Variants in EPAS1 observed in about 807,000 individuals in gnomAD.
The protein encoded by EPAS1 is endothelial PAS domain-containing protein 1.
In EPAS1, 23 loss-of-function variants were observed where a neutral mutation model predicts 87.9. That is an observed-to-expected ratio of 0.26 (90% CI 0.19 to 0.37). The LOEUF (loss-of-function observed/expected upper bound fraction) is 0.37. Ranked by LOEUF, EPAS1 falls within the 10% of genes least tolerant of loss-of-function variation. The pLI is 1.00. For synonymous variants in EPAS1, 508 were observed against 444.3 expected, an observed-to-expected ratio of 1.14 and a Z score of -1.80; for missense variants, 1,138 against 1,120.7, an observed-to-expected ratio of 1.02 and a Z score of -0.22.
chr2:46,297,711 C>A lies in EPAS1; in HGVS notation c.-201C>A. On this transcript the variant is annotated 5_prime_UTR_variant, in exon 1 of 16. Transcript: ENST00000263734. ...CCTCCGCGCGCAGGTTCCTCCCAGT[C>A]ACCTTTCTCCACCCCCGCCCCCGCA... 1.6e-6 allele frequency: 1 copy of A among 608,110 alleles called. No homozygotes were observed. The highest frequency in any genetic ancestry group is 2.8e-6 in the Non-Finnish European group (1 of 351,272). The allele number at this position is 608,110 out of a possible 1,614,324, so 37.7% of individuals were successfully genotyped here. A position where few individuals can be genotyped will look rare whatever the true frequency, so the allele number is the denominator to read the frequency against.
intron 2 of EPAS1, among the ~76,000 whole-genome samples, chr2:46,349,659 A>G (rs1164458211): frequency 1.3e-5 from 2 of 152,196 alleles, no homozygotes; most frequent in African/African-American, 4.8e-5. Context: ...CTTGAAGGAG[A>G]AATTCTCACC....
intron 1 of EPAS1, 115 bp downstream of exon 1, chr2:46,298,052 G>C: frequency 7.4e-7 from 1 of 1,348,900 alleles, no homozygotes; most frequent in Non-Finnish European, 1.0e-6. Flanking sequence ...TTCGGAGCTC[G>C]AGGCTCGGTT....
chr2:46,375,936 C>G lies in EPAS1; in HGVS notation c.1034+99C>G, dbSNP rs1572646200. 7 of 1,537,486 alleles carry G rather than the reference C, an allele frequency of 4.6e-6. No homozygotes were observed. The East Asian group carries it at 9.0e-5, about 20-fold the overall frequency. On this transcript the variant is annotated intron_variant, in intron 8 of 15. Transcript: ENST00000263734. The surrounding 1 kb of genome is among the most constrained non-coding windows in gnomAD (Gnocchi z 4.1). ...CAGGCCTAGGAGATGCCAGGCCTCTCAGCGCCCTGGGCACCACCTCAGGGA... is the reference window on the plus strand; with the variant it reads ...CAGGCCTAGGAGATGCCAGGCCTCTGAGCGCCCTGGGCACCACCTCAGGGA...
At position 46,360,574 on chromosome 2, in the gene EPAS1, C is replaced by T; in HGVS notation, c.455-64C>T. ...GCTGCCAAGAAAAACTGCAGCTGGG[C>T]CCCTCTCATGAATATCCATATAAAA... On this transcript the variant is annotated intron_variant, in intron 4 of 15. Transcript: ENST00000263734. This position sits in a 1 kb window ranked among gnomAD's most constrained non-coding sequence, Gnocchi z 4.5. 1 of 1,383,912 alleles carries T rather than the reference C, an allele frequency of 7.2e-7. No homozygotes were observed. Among genetic ancestry groups the T allele is most frequent in the South Asian group, 1.2e-5 (1 of 86,066 alleles). The allele number at this position is 1,383,912 out of a possible 1,614,324, so 85.7% of individuals were successfully genotyped here.
rs1282701200 is a variant in EPAS1, at chr2:46,386,353, T to G, written c.*1693T>G. 6.6e-6 allele frequency: 1 copy of G among 152,650 alleles called. No homozygotes were observed. Among genetic ancestry groups the G allele is most frequent in the Non-Finnish European group, 1.5e-5 (1 of 68,046 alleles). The allele number at this position is 152,650 out of a possible 1,614,324, so 9.5% of individuals were successfully genotyped here. A position where few individuals can be genotyped will look rare whatever the true frequency, so the allele number is the denominator to read the frequency against. ...AATAGCTTTCAAAAGAAATTTAAGTTCTATGAGAAATTCCTTAGTCATGGT... is the reference window on the plus strand; with the variant it reads ...AATAGCTTTCAAAAGAAATTTAAGTGCTATGAGAAATTCCTTAGTCATGGT... On this transcript the variant is annotated 3_prime_UTR_variant, in exon 16 of 16. Coordinates refer to ENST00000263734, the MANE Select transcript of EPAS1 (RefSeq NM_001430.5).
intron 14 of EPAS1, 93 bp downstream of exon 14, chr2:46,382,182 C>A: frequency 8.2e-7 from 1 of 1,218,892 alleles, no homozygotes; most frequent in Non-Finnish European, 1.2e-6. Flanking sequence ...TCACCACAGG[C>A]CGTACCTGCC....
chr2:46,302,421 G>A (rs945884306), intron 1 of EPAS1, among the ~76,000 whole-genome samples: 1 of 151,984 alleles, frequency 6.6e-6, no homozygotes, highest in African/African-American at 2.4e-5. Context: ...ATTTTAGCCT[G>A]ATGAATCTTC....
At chr2:46,355,958 C>G (rs1332861821) in intron 2 of EPAS1, among the ~76,000 whole-genome samples, 193 bp from the exon 3 acceptor site, 67 of 152,216 alleles carry the variant, frequency 4.4e-4, no homozygotes, top group Admixed American at 4.4e-3. Context: ...CCTCACAGCT[C>G]CCGTCAGGGT....
intron 1 of EPAS1, among the ~76,000 whole-genome samples, chr2:46,320,634 C>G (rs1572618678): frequency 6.6e-6 from 1 of 152,292 alleles, no homozygotes; most frequent in South Asian, 2.1e-4. Flanking sequence ...TCAGCTGTGT[C>G]TCTTTTTCAC....
chr2:46,342,359 T>C (rs766205835), intron 1 of EPAS1, among the ~76,000 whole-genome samples: 1 of 152,212 alleles, frequency 6.6e-6, no homozygotes, highest in Non-Finnish European at 1.5e-5. Flanking sequence ...TTGACCTTTA[T>C]TTCCTCCATT....
At chr2:46,356,047 C>A in intron 2 of EPAS1, 104 bp from the exon 3 acceptor site, 3 of 1,304,110 alleles carry the variant, frequency 2.3e-6, no homozygotes, top group Non-Finnish European at 3.3e-6. Context: ...CAGAAAAGTC[C>A]ACCCAATGCC....
At chr2:46,351,975 T>C (rs1226101089) in intron 2 of EPAS1, among the ~76,000 whole-genome samples, 1 of 152,122 alleles carries the variant, frequency 6.6e-6, no homozygotes, top group Non-Finnish European at 1.5e-5. Context: ...CTCCAAAACC[T>C]CAGCCCGCGC....
intron 6 of EPAS1, among the ~76,000 whole-genome samples, chr2:46,366,722 G>GA (rs199512617): frequency 8.6e-5 from 13 of 151,250 alleles, no homozygotes; most frequent in Admixed American, 2.0e-4. Context: ...TAGAAAGAAA[G>GA]AAAAAAAAAT....
chr2:46,317,602 C>T (rs1683368367), intron 1 of EPAS1, among the ~76,000 whole-genome samples: 1 of 152,214 alleles, frequency 6.6e-6, no homozygotes, highest in Non-Finnish European at 1.5e-5. Context: ...GTGGCTTCAG[C>T]TTAAACTCAC....
chr2:46,353,510 G>T (rs1020958054), intron 2 of EPAS1, among the ~76,000 whole-genome samples: 1 of 152,208 alleles, frequency 6.6e-6, no homozygotes, highest in Non-Finnish European at 1.5e-5. Flanking sequence ...AAATTATGTA[G>T]CAGTGCTGGT....
intron 15 of EPAS1, among the ~76,000 whole-genome samples, chr2:46,383,021 G>C (rs1405956846): frequency 6.6e-6 from 1 of 151,876 alleles, no homozygotes; most frequent in African/African-American, 2.4e-5. Flanking sequence ...AGTTCAGAGA[G>C]AGAGAGTTGG....
rs563579958 is a variant in EPAS1, at chr2:46,338,535, C to T, written c.27-8338C>T. Among the ~76,000 whole-genome samples the T allele has an allele frequency of 1.3e-4, 20 of 152,274 alleles. No individual in the cohort carries two copies. In the South Asian group the frequency reaches 3.7e-3, roughly 28 times the overall value. On this transcript the variant is annotated intron_variant, in intron 1 of 15. Coordinates refer to ENST00000263734, the MANE Select transcript of EPAS1 (RefSeq NM_001430.5). ...AAGACAGCACCGAGTCTTCTCTATA[C>T]ATCCCTGCAGTGGATAAGATGAGGG...
chr2:46,363,363 A>T (rs561274841), intron 6 of EPAS1, among the ~76,000 whole-genome samples: 1 of 152,340 alleles, frequency 6.6e-6, no homozygotes. Flanking sequence ...GGAAAACCCT[A>T]CTGTCCTAGA....
At chr2:46,298,609 T>G (rs552855123) in intron 1 of EPAS1, among the ~76,000 whole-genome samples, 1 of 152,282 alleles carries the variant, frequency 6.6e-6, no homozygotes, top group Admixed American at 6.5e-5. Context: ...TGGTTCGGTG[T>G]GTAGGAAGCG....
Sources: allele counts gnomAD v4.1 joint callset (sites outside exome capture counted in the v4.1 genomes callset), GRCh38; gene constraint gnomAD v4.1.1; non-coding constraint Gnocchi (gnomAD v3.1); transcripts MANE v1.5; gene names NCBI Gene and HGNC (gene_info 2026-07-23, HGNC 2026-07-21).